KCNH5: variants seen among roughly 807,000 people sequenced by gnomAD.
KCNH5 encodes potassium voltage-gated channel subfamily H member 5.
In KCNH5, 46 loss-of-function variants were observed where a neutral mutation model predicts 96.1. The ratio of observed to expected loss-of-function variants is 0.48; its 90% CI spans 0.38 to 0.61. The LOEUF (loss-of-function observed/expected upper bound fraction) is 0.61, where lower values mean the gene tolerates loss of function less well. Ranked by LOEUF, KCNH5 falls within the 20% of genes least tolerant of loss-of-function variation. KCNH5 has a pLI of 0.00. For synonymous variants in KCNH5, 439 were observed against 449.8 expected (o/e 0.98, Z 0.30); for missense variants, 907 against 1,225.8 (o/e 0.74, Z 3.88).
intron 10 of KCNH5, among the ~76,000 whole-genome samples, chr14:62,743,239 C>G (rs1055438526): frequency 3.3e-5 from 5 of 152,098 alleles, no homozygotes; most frequent in South Asian, 2.1e-4. Context: ...ATGGGCCTCA[C>G]CCCTAGAGAT....
At chr14:62,835,637 G>A (rs983411093) in intron 8 of KCNH5, among the ~76,000 whole-genome samples, 1 of 151,834 alleles carries the variant, frequency 6.6e-6, no homozygotes, top group Non-Finnish European at 1.5e-5. Flanking sequence ...AAATATTGAC[G>A]GCATAACTGA....
At chr14:62,853,809 C>T (rs1358978094) in intron 7 of KCNH5, among the ~76,000 whole-genome samples, 4 of 151,628 alleles carry the variant, frequency 2.6e-5, no homozygotes, top group Non-Finnish European at 5.9e-5. Context: ...GAGTTCAATA[C>T]CAGCCTCACC....
chr14:62,904,302 T>C (rs1269902556), intron 7 of KCNH5, among the ~76,000 whole-genome samples: 1 of 152,202 alleles, frequency 6.6e-6, no homozygotes, highest in Admixed American at 6.5e-5. Flanking sequence ...GTTACACAAG[T>C]GAAGGGTCTC....
At chr14:62,711,500 C>A (rs1884567223) in intron 10 of KCNH5, among the ~76,000 whole-genome samples, 1 of 152,086 alleles carries the variant, frequency 6.6e-6, no homozygotes, top group Non-Finnish European at 1.5e-5. Flanking sequence ...CCTTTTTACG[C>A]CCGGGAGATA....
chr14:62,719,969 G>A (rs906192110), intron 10 of KCNH5, among the ~76,000 whole-genome samples: 1 of 152,174 alleles, frequency 6.6e-6, no homozygotes, highest in African/African-American at 2.4e-5. Context: ...GAATATATCT[G>A]TAAACAAAGC....
intron 10 of KCNH5, among the ~76,000 whole-genome samples, chr14:62,749,451 T>C (rs1456449046): frequency 1.3e-5 from 2 of 152,204 alleles, no homozygotes; most frequent in Admixed American, 1.3e-4. Flanking sequence ...TTGAGGAAAG[T>C]TGACCTGCTG....
intron 8 of KCNH5, among the ~76,000 whole-genome samples, chr14:62,826,786 T>C (rs1887236782): frequency 6.6e-6 from 1 of 152,060 alleles, no homozygotes; most frequent in South Asian, 2.1e-4. Context: ...GGTAATTTTG[T>C]TGCATCTATT....
At chr14:63,018,054 C>T (rs1447521728) in intron 1 of KCNH5, among the ~76,000 whole-genome samples, 1 of 151,874 alleles carries the variant, frequency 6.6e-6, no homozygotes, top group Non-Finnish European at 1.5e-5. Context: ...CAAAATACAA[C>T]TGCCAGAATA....
At chr14:62,886,859 C>T (rs1371570773) in intron 7 of KCNH5, among the ~76,000 whole-genome samples, 3 of 152,042 alleles carry the variant, frequency 2.0e-5, no homozygotes, top group African/African-American at 7.2e-5. Flanking sequence ...ATAGTTAAGA[C>T]TTTATTAGAT....
chr14:62,978,326 C>A (rs188141273), intron 6 of KCNH5, among the ~76,000 whole-genome samples: 1 of 152,174 alleles, frequency 6.6e-6, no homozygotes, highest in East Asian at 1.9e-4. Flanking sequence ...TGACCGTACT[C>A]CACACAGCAC....
intron 2 of KCNH5, among the ~76,000 whole-genome samples, chr14:63,007,081 A>G (rs1322095644): frequency 1.3e-5 from 2 of 152,200 alleles, no homozygotes; most frequent in African/African-American, 2.4e-5. Flanking sequence ...GAAATAGGTG[A>G]CCATGGAAAT....
intron 2 of KCNH5, among the ~76,000 whole-genome samples, chr14:63,014,500 T>C (rs1891287491): frequency 6.6e-6 from 1 of 152,104 alleles, no homozygotes. Flanking sequence ...ACTTATTTTC[T>C]TAGTGAATCC....
At chr14:62,963,754 A>G (rs531720744) in intron 6 of KCNH5, among the ~76,000 whole-genome samples, 3 of 152,274 alleles carry the variant, frequency 2.0e-5, no homozygotes, top group Admixed American at 2.0e-4. Flanking sequence ...AACAATGTGT[A>G]ATCTGAATAC....
intron 7 of KCNH5, among the ~76,000 whole-genome samples, chr14:62,903,281 T>C (rs981066557): frequency 6.6e-5 from 10 of 152,124 alleles, no homozygotes; most frequent in African/African-American, 2.4e-4. Flanking sequence ...CACACCCTTG[T>C]ACTACCAAAT....
intron 7 of KCNH5, among the ~76,000 whole-genome samples, chr14:62,887,851 C>A (rs117567268): frequency 5.0e-4 from 76 of 152,252 alleles, no homozygotes; most frequent in Middle Eastern, 3.4e-3. Flanking sequence ...AGTAGTCTCA[C>A]ATGAAACTTT....
intron 10 of KCNH5, among the ~76,000 whole-genome samples, chr14:62,772,663 C>T (rs773539344): frequency 7.0e-6 from 1 of 143,428 alleles, no homozygotes; most frequent in South Asian, 2.2e-4. Context: ...AAAAAAGTAG[C>T]AGTTTTTTTA....
rs1884467992 is a variant in KCNH5, at chr14:62,707,772, G to C, written c.2703C>G (p.Ile901Met). ...QADAKHPFYP[I>M]PEQALQTTLQ... Reference sequence around the variant, plus strand: ...GTGTGGTCTGTAAGGCCTGCTCGGGGATGGGATAAAAGGGGTGCTTGGCAT... The same window carrying C: ...GTGTGGTCTGTAAGGCCTGCTCGGGCATGGGATAAAAGGGGTGCTTGGCAT... The change falls in exon 11 of 11, where the codon ATC becomes ATG. Residue 901 changes from isoleucine to methionine, a missense_variant. By Grantham distance (10) the Ile-to-Met change is conservative. This residue lies in a region of KCNH5 where 362 missense variants were observed against 394.4 expected (regional missense o/e 0.92). Transcript: ENST00000322893. The C allele has an allele frequency of 1.2e-6, 2 of 1,614,026 alleles. No homozygotes were observed. The highest frequency in any genetic ancestry group is 2.2e-5 in the South Asian group (2 of 91,086).
intron 7 of KCNH5, among the ~76,000 whole-genome samples, chr14:62,881,732 A>G (rs765583944): frequency 7.2e-5 from 11 of 152,150 alleles, no homozygotes; most frequent in Non-Finnish European, 1.2e-4. Context: ...CATGGTTGAT[A>G]TAAGTATCCA....
chr14:62,788,482 G>C (rs1886365709), intron 9 of KCNH5, among the ~76,000 whole-genome samples: 1 of 152,176 alleles, frequency 6.6e-6, no homozygotes. Context: ...CATAAACTCA[G>C]TTGATCAGAC....
Sources: allele counts gnomAD v4.1 joint callset (sites outside exome capture counted in the v4.1 genomes callset), GRCh38; gene constraint gnomAD v4.1.1; regional missense constraint gnomAD v4.1.1; transcripts MANE v1.5; gene names NCBI Gene and HGNC (gene_info 2026-07-23, HGNC 2026-07-21).